MBNL1: variants seen among roughly 807,000 people sequenced by gnomAD.
The protein encoded by MBNL1 is muscleblind-like protein 1.
A neutral mutation model predicts 42.2 loss-of-function variants in MBNL1; 8 were observed. That is an observed-to-expected ratio of 0.19 (90% CI 0.11 to 0.34). MBNL1 has a LOEUF of 0.34. Among genes scored for constraint, MBNL1 ranks in the 10% least tolerant of loss-of-function variants. MBNL1 has a pLI of 1.00. For synonymous variants in MBNL1, 169 were observed against 173.9 expected (o/e 0.97, Z 0.22); for missense variants, 309 against 495.3 (o/e 0.62, Z 3.57).
chr3:152,417,698 C>G lies in MBNL1; in HGVS notation c.345+2587C>G, dbSNP rs761861237. On this transcript the variant is annotated intron_variant, in intron 3 of 9. Transcript: ENST00000324210. Reference sequence around the variant, plus strand: ...AAGAACAAATGAAGGAAGGAGTTTCCGAAACACCAGAAAAACAGGCAGAGA... The same window carrying G: ...AAGAACAAATGAAGGAAGGAGTTTCGGAAACACCAGAAAAACAGGCAGAGA... 1.3e-5 allele frequency among the ~76,000 whole-genome samples: 2 copies of G among 152,024 alleles called. 1 individual carries two copies. Among genetic ancestry groups the G allele is most frequent in the African/African-American group, 4.8e-5 (2 of 41,458 alleles).
chr3:152,315,156 G>A (rs1051207002), intron 2 of MBNL1, among the ~76,000 whole-genome samples: 1 of 152,336 alleles, frequency 6.6e-6, no homozygotes, highest in Non-Finnish European at 1.5e-5. Flanking sequence ...GAAAGTACAG[G>A]AGGACCTCTG....
At chr3:152,459,472 AATGGGT>A (rs1237517012) in intron 9 of MBNL1, 127 bp downstream of exon 9, 1 of 429,152 alleles carries the variant, frequency 2.3e-6, no homozygotes, top group Non-Finnish European at 4.2e-6. Flanking sequence ...TTTTATCTTA[AATGGGT>A]GTGAGGAATT....
intron 2 of MBNL1, among the ~76,000 whole-genome samples, chr3:152,363,453 A>G (rs892808422): frequency 2.6e-5 from 4 of 152,210 alleles, no homozygotes; most frequent in Admixed American, 6.6e-5. Context: ...TCTAGCTATT[A>G]TAGAAGAGCA....
intron 2 of MBNL1, among the ~76,000 whole-genome samples, chr3:152,253,224 G>C (rs1050691734): frequency 1.3e-5 from 2 of 152,038 alleles, no homozygotes; most frequent in African/African-American, 4.8e-5. Context: ...TCCATCACCA[G>C]TCTTCTTTGT....
intron 1 of MBNL1, among the ~76,000 whole-genome samples, chr3:152,292,034 G>A (rs1447393044): frequency 1.3e-5 from 2 of 152,166 alleles, no homozygotes; most frequent in African/African-American, 4.8e-5. Context: ...CTCTCAAAAC[G>A]AGTCTGGACT....
chr3:152,396,491 T>A (rs1357275209), intron 2 of MBNL1, among the ~76,000 whole-genome samples: 1 of 152,176 alleles, frequency 6.6e-6, no homozygotes, highest in Non-Finnish European at 1.5e-5. Context: ...TCTCTGAGCT[T>A]TAATTTCCTC....
intron 1 of MBNL1, chr3:152,269,332 G>T (rs568705668): frequency 1.4e-5 from 5 of 350,894 alleles, no homozygotes; most frequent in African/African-American, 8.8e-5. Flanking sequence ...TGCGGACGCT[G>T]TCACGGCACA....
At chr3:152,288,345 C>G (rs964308906) in intron 1 of MBNL1, among the ~76,000 whole-genome samples, 1 of 152,110 alleles carries the variant, frequency 6.6e-6, no homozygotes, top group African/African-American at 2.4e-5. Context: ...GGGAGACTCC[C>G]CACTCCTGAC....
intron 2 of MBNL1, among the ~76,000 whole-genome samples, chr3:152,262,283 G>T (rs914294027): frequency 2.0e-5 from 3 of 152,174 alleles, no homozygotes; most frequent in Non-Finnish European, 4.4e-5. Context: ...AAAAGAAACA[G>T]ATATATGAAA....
chr3:152,398,537 G>A (rs1560441110), intron 2 of MBNL1, among the ~76,000 whole-genome samples: 1 of 152,104 alleles, frequency 6.6e-6, no homozygotes, highest in Non-Finnish European at 1.5e-5. Flanking sequence ...CATTAGAAAA[G>A]GAGTAAAGTG....
At chr3:152,340,364 C>G in intron 2 of MBNL1, 1 of 760,608 alleles carries the variant, frequency 1.3e-6, no homozygotes, top group Non-Finnish European at 2.1e-6. Context: ...ATAGTAATCT[C>G]TTGTGGTGTA....
intron 2 of MBNL1, among the ~76,000 whole-genome samples, chr3:152,377,476 C>G (rs2096960515): frequency 6.6e-6 from 1 of 152,098 alleles, no homozygotes; most frequent in African/African-American, 2.4e-5. Context: ...ATTGTATTAT[C>G]TCTTATTTGG....
chr3:152,262,030 T>G (rs1391653984), intron 2 of MBNL1, among the ~76,000 whole-genome samples: 1 of 152,106 alleles, frequency 6.6e-6, no homozygotes, highest in African/African-American at 2.4e-5. Flanking sequence ...CCAACTGTGA[T>G]TTTTCCCTCA....
In MBNL1 at chr3:152,450,100, C is replaced by CAA. The variant is rs752943755; in HGVS notation, c.961+2344_961+2345dup. On this transcript the variant is annotated intron_variant, in intron 6 of 9. Transcript: ENST00000324210. ...TGGGCAAAGGAGTGAGACTCCATCT[C>CAA]AAAAAAAAAAAAAAAAAACCACACA... Among the ~76,000 whole-genome samples, 487 of 87,898 alleles carry CAA rather than the reference C, an allele frequency of 5.5e-3. 7 individuals carry two copies. Among genetic ancestry groups the CAA allele is most frequent in the South Asian group, 0.015 (39 of 2,572 alleles). The allele number at this position is 87,898 out of a possible 152,430, so 57.7% of individuals were successfully genotyped here.
intron 3 of MBNL1, among the ~76,000 whole-genome samples, chr3:152,425,612 A>G (rs2098917464): frequency 6.6e-6 from 1 of 151,698 alleles, no homozygotes; most frequent in Non-Finnish European, 1.5e-5. Context: ...TGTCTCAGAA[A>G]AAAAAAAAAA....
Position 152,415,069 on chromosome 3 carries a change from A to G in MBNL1, c.303A>G (p.Gln101=), listed in dbSNP as rs2098673402. The change falls in exon 3 of 10, where the codon CAA becomes CAG. Residue 101 remains glutamine (Q), a synonymous_variant. Coordinates refer to ENST00000324210, the MANE Select transcript of MBNL1 (RefSeq NM_021038.5). ...TGGCCATGTTGGCCCAGCAAATGCA[A>G]CTAGCCAATGCCATGATGCCTGGTG... ...KNMAMLAQQM[Q]LANAMMPGAP... 6.2e-6 allele frequency: 10 copies of G among 1,608,564 alleles called. No homozygotes were observed. The highest frequency in any genetic ancestry group is 4.5e-5 in the East Asian group (2 of 44,656).
chr3:152,372,007 T>C (rs985494981), intron 2 of MBNL1, among the ~76,000 whole-genome samples: 2 of 152,206 alleles, frequency 1.3e-5, no homozygotes, highest in Admixed American at 1.3e-4. Flanking sequence ...TCCTTTTCAT[T>C]CATTTTTCTC....
At chr3:152,292,924 C>T (rs1260436977) in intron 1 of MBNL1, among the ~76,000 whole-genome samples, 1 of 151,782 alleles carries the variant, frequency 6.6e-6, no homozygotes, top group Non-Finnish European at 1.5e-5. Flanking sequence ...ATTTGTCACC[C>T]TGCCTGGCTA....
chr3:152,352,007 A>G (rs1290511484), intron 2 of MBNL1, among the ~76,000 whole-genome samples: 2 of 152,200 alleles, frequency 1.3e-5, no homozygotes, highest in African/African-American at 2.4e-5. Flanking sequence ...TTTTCAAAGT[A>G]CAGTTAGACA....
Sources: allele counts gnomAD v4.1 joint callset (sites outside exome capture counted in the v4.1 genomes callset), GRCh38; gene constraint gnomAD v4.1.1; transcripts MANE v1.5; gene names NCBI Gene and HGNC (gene_info 2026-07-23, HGNC 2026-07-21).